EEFSEC: variants seen among roughly 807,000 people sequenced by gnomAD.
EEFSEC encodes selenocysteine-specific elongation factor.
EEFSEC carries 43 observed loss-of-function variants against 42.1 expected under a neutral mutation model. The ratio of observed to expected loss-of-function variants is 1.02; its 90% CI spans 0.80 to 1.32. The LOEUF (loss-of-function observed/expected upper bound fraction) is 1.32, where lower values mean the gene tolerates loss of function less well. Among genes scored for constraint, EEFSEC ranks in the 40% most tolerant of loss-of-function variants. EEFSEC has a pLI of 0.00. For missense variants in EEFSEC, 745 were observed against 803.6 expected (o/e 0.93, Z 0.88); for synonymous variants, 354 against 339.1 (o/e 1.04, Z -0.48).
intron 4 of EEFSEC, chr3:128,337,170 G>A (rs528380424): frequency 3.3e-5 from 5 of 152,302 alleles, no homozygotes; most frequent in South Asian, 2.1e-4. Context: ...CTCAGTGAGC[G>A]TGGGCTCACT....
chr3:128,275,117 G>A (rs1434028947), intron 4 of EEFSEC, among the ~76,000 whole-genome samples: 2 of 152,166 alleles, frequency 1.3e-5, no homozygotes, highest in African/African-American at 4.8e-5. Flanking sequence ...TGTCATCGAG[G>A]GGTCTAGCAG....
At chr3:128,401,466 G>T (rs1178925645) in intron 6 of EEFSEC, among the ~76,000 whole-genome samples, 2 of 152,340 alleles carry the variant, frequency 1.3e-5, no homozygotes, top group Admixed American at 1.3e-4. Flanking sequence ...AGTGGTGCTG[G>T]GCAGGGCACC....
intron 1 of EEFSEC, among the ~76,000 whole-genome samples, chr3:128,200,352 G>A (rs569550459): frequency 1.3e-5 from 2 of 152,118 alleles, no homozygotes; most frequent in African/African-American, 2.4e-5. Context: ...GCAATGGCGC[G>A]ATCTTGGCTC....
intron 6 of EEFSEC, among the ~76,000 whole-genome samples, chr3:128,394,740 G>T (rs2067961309): frequency 6.6e-6 from 1 of 152,148 alleles, no homozygotes; most frequent in South Asian, 2.1e-4. Flanking sequence ...CTGAGGAGGA[G>T]GGCCGCCTGC....
chr3:128,329,133 C>T (rs907719009), intron 4 of EEFSEC, among the ~76,000 whole-genome samples: 2 of 152,238 alleles, frequency 1.3e-5, no homozygotes, highest in Non-Finnish European at 2.9e-5. Flanking sequence ...CACTCCCCCT[C>T]CAGCACCCAC....
intron 4 of EEFSEC, among the ~76,000 whole-genome samples, chr3:128,331,749 G>A (rs1406305806): frequency 6.6e-6 from 1 of 152,146 alleles, no homozygotes; most frequent in Non-Finnish European, 1.5e-5. Context: ...AGATAGCAAT[G>A]GGTCAGCACA....
chr3:128,228,219 T>G (rs2065926753), intron 1 of EEFSEC, among the ~76,000 whole-genome samples: 1 of 152,080 alleles, frequency 6.6e-6, no homozygotes, highest in Admixed American at 6.6e-5. Context: ...TCCCAGTGGG[T>G]GAAGCTGCAG....
At chr3:128,353,361 G>A (rs75292354) in intron 5 of EEFSEC, among the ~76,000 whole-genome samples, 2,294 of 152,274 alleles carry the variant, frequency 0.015, 61 homozygotes, top group African/African-American at 0.051. Flanking sequence ...GTGTGGCAGG[G>A]GCTGACTGGG....
chr3:128,163,618 G>A (rs1350668010), intron 1 of EEFSEC, among the ~76,000 whole-genome samples: 1 of 151,812 alleles, frequency 6.6e-6, no homozygotes, highest in Non-Finnish European at 1.5e-5. Context: ...TCATACAGTT[G>A]TGTAGCTGTC....
chr3:128,353,808 T>C (rs1377447669), intron 5 of EEFSEC, among the ~76,000 whole-genome samples: 1 of 152,204 alleles, frequency 6.6e-6, no homozygotes, highest in Non-Finnish European at 1.5e-5. Context: ...GAGCAAATCA[T>C]TTCATTTTAC....
chr3:128,386,790 C>T (rs1470984817), intron 6 of EEFSEC, among the ~76,000 whole-genome samples: 1 of 152,060 alleles, frequency 6.6e-6, no homozygotes, highest in South Asian at 2.1e-4. Flanking sequence ...TTTAAACAAC[C>T]GGCTCTCACA....
intron 1 of EEFSEC, among the ~76,000 whole-genome samples, chr3:128,182,198 C>T (rs1333264167): frequency 6.6e-6 from 1 of 152,018 alleles, no homozygotes; most frequent in African/African-American, 2.4e-5. Flanking sequence ...TGTTTGAGTG[C>T]CTATTAAATT....
chr3:128,262,167 G>A lies in EEFSEC; in HGVS notation c.564G>A (p.Pro188=), dbSNP rs112744437. 73 of 1,613,854 alleles carry A rather than the reference G, an allele frequency of 4.5e-5. No homozygotes were observed. The African/African-American group carries it at 5.6e-4, about 12-fold the overall frequency. ...GAPIIPVAAK[P]GGPEAPETEA... is the part of the protein sequence containing the mutation. ...CGATTATACCCGTGGCGGCCAAGCC[G>A]GGGGGACCAGAGGCCCCCGAAACTG... The change falls in exon 3 of 7, where the codon CCG becomes CCA. Residue 188 remains proline, a synonymous_variant. Transcript: ENST00000254730.
chr3:128,370,959 G>A (rs531094489), intron 6 of EEFSEC, among the ~76,000 whole-genome samples: 1 of 152,342 alleles, frequency 6.6e-6, no homozygotes, highest in African/African-American at 2.4e-5. Flanking sequence ...AACAGAGTGT[G>A]CTAGGGCACA....
At chr3:128,416,982 C>T in the EEFSEC span, among the ~76,000 whole-genome samples, 6 of 152,038 alleles carry the variant, frequency 3.9e-5, no homozygotes, top group Admixed American at 2.0e-4. Context: ...GTGGTGGGTG[C>T]GGTCAGCCAT....
chr3:128,292,847 T>G (rs2066658820), intron 4 of EEFSEC, among the ~76,000 whole-genome samples: 1 of 152,084 alleles, frequency 6.6e-6, no homozygotes, highest in South Asian at 2.1e-4. Flanking sequence ...TCTTTGGGTT[T>G]ACTCTGCTGA....
intron 1 of EEFSEC, among the ~76,000 whole-genome samples, chr3:128,204,828 C>T (rs941406560): frequency 3.3e-5 from 5 of 152,102 alleles, no homozygotes; most frequent in Non-Finnish European, 7.3e-5. Context: ...GAGACCCACC[C>T]AGCCATTTTT....
chr3:128,350,355 T>C (rs1231209644), intron 5 of EEFSEC, among the ~76,000 whole-genome samples: 5 of 152,198 alleles, frequency 3.3e-5, no homozygotes, highest in Non-Finnish European at 2.9e-5. Context: ...CCCCTCGCCC[T>C]TGCAGGAAGC....
At chr3:128,256,719 A>G (rs953757759) in intron 2 of EEFSEC, among the ~76,000 whole-genome samples, 2 of 152,194 alleles carry the variant, frequency 1.3e-5, no homozygotes, top group Admixed American at 6.5e-5. Flanking sequence ...TTTGGTCTGA[A>G]TACAGTTAAG....
Sources: allele counts gnomAD v4.1 joint callset (sites outside exome capture counted in the v4.1 genomes callset), GRCh38; gene constraint gnomAD v4.1.1; transcripts MANE v1.5; gene names NCBI Gene and HGNC (gene_info 2026-07-23, HGNC 2026-07-21).